CYB5R2: variants seen among roughly 807,000 people sequenced by gnomAD.
The protein encoded by CYB5R2 is NADH-cytochrome b5 reductase 2.
CYB5R2 carries 35 observed loss-of-function variants against 29.8 expected under a neutral mutation model. The observed-to-expected ratio is 1.17, with a 90% CI of 0.90 to 1.56. The LOEUF is 1.56. CYB5R2 is among the 40% of genes most tolerant of loss of function. The pLI, the probability that CYB5R2 is intolerant of heterozygous loss-of-function variation, is 0.00. For missense variants in CYB5R2, 419 were observed against 346.7 expected (o/e 1.21, Z -1.66); for synonymous variants, 169 against 130.6 (o/e 1.29, Z -2.01).
chr11:7,668,690 G>C (rs144470197), intron 5 of CYB5R2, 129 bp from the exon 6 acceptor site: 3 of 794,890 alleles, frequency 3.8e-6, no homozygotes, highest in Non-Finnish European at 6.6e-6. Context: ...ATTTTAAGCT[G>C]GAGAAGCAGG....
rs774900506 is a variant in CYB5R2, at chr11:7,666,570, G to T, written c.559-20C>A. ...CTCTGTCTAGAAAAGAAGCAACACT[G>T]AAAAAGCCCCTCCAGGGCCATCCTC... On this transcript the variant is annotated intron_variant, in intron 7 of 8. Transcript: ENST00000299498. 9 of 1,582,500 alleles carry T rather than the reference G, an allele frequency of 5.7e-6. No homozygotes were observed. The Admixed American group carries it at 1.3e-4, about 23-fold the overall frequency.
chr11:7,670,480 T>G (rs1223861507), intron 3 of CYB5R2: 1 of 152,354 alleles, frequency 6.6e-6, no homozygotes, highest in Admixed American at 6.5e-5. Flanking sequence ...CTACTCCATC[T>G]GTATCCTGGT....
chr11:7,665,607 G>T (rs920186628), intron 8 of CYB5R2, 61 bp from the exon 9 acceptor site: 1 of 1,514,178 alleles, frequency 6.6e-7, no homozygotes, highest in Non-Finnish European at 8.9e-7. Flanking sequence ...CTGATCCCAG[G>T]CCGCCTGCAC....
rs766598641 is a variant in CYB5R2, at chr11:7,672,509, GT to G, written c.92del (p.Asn31ThrfsTer16). 2 of 1,614,220 alleles carry G rather than the reference GT, an allele frequency of 1.2e-6. No individual in the cohort carries two copies. The highest frequency in any genetic ancestry group is 1.7e-6 in the Non-Finnish European group (2 of 1,180,032). ...PLIEKEKISH[N>X]TRRFRFGLPS... ...GCAGTCCAAAGCGGAACCTCCGGGT[GT>G]TGTGGCTGATTTTCTGATAAAACAA... On this transcript the variant is annotated frameshift_variant, in exon 3 of 9. Coordinates refer to ENST00000299498, the MANE Select transcript of CYB5R2 (RefSeq NM_016229.5). LOFTEE classifies it high-confidence loss of function.
At position 7,665,122 on chromosome 11, in the gene CYB5R2, A is replaced by T. The variant is rs902694621; in HGVS notation, c.*252T>A. On this transcript the variant is annotated 3_prime_UTR_variant, in exon 9 of 9. Transcript: ENST00000299498. The stretch of plus-strand genomic sequence containing the variant: ...GGCTGTCTGCTTTGTACTTGAGTTT[A>T]TTTCACAAAACCACGGAGAAAGATA... 8.4e-6 allele frequency: 3 copies of T among 356,664 alleles called. No individual in the cohort carries two copies. The South Asian group carries it at 1.5e-4, about 18-fold the overall frequency. The allele number at this position is 356,664 out of a possible 1,614,324, so 22.1% of individuals were successfully genotyped here.
chr11:7,669,416 G>A (rs1855581234), intron 4 of CYB5R2, 82 bp from the exon 5 acceptor site: 1 of 1,495,414 alleles, frequency 6.7e-7, no homozygotes. Flanking sequence ...ATTTACTGCT[G>A]GAAGCTTTGC....
chr11:7,671,626 T>C (rs1165967035), intron 3 of CYB5R2: 2 of 151,392 alleles, frequency 1.3e-5, no homozygotes, highest in African/African-American at 4.9e-5. Flanking sequence ...GCGAGCTGGC[T>C]AGAGTGTAAT....
In CYB5R2 at chr11:7,672,876, G is replaced by A; in HGVS notation, c.-51C>T. 1 of 1,613,584 alleles carries A rather than the reference G, an allele frequency of 6.2e-7. No individual in the cohort carries two copies. The highest frequency in any genetic ancestry group is 8.5e-7 in the Non-Finnish European group (1 of 1,179,758). On this transcript the variant is annotated 5_prime_UTR_variant, in exon 2 of 9. Coordinates refer to ENST00000299498, the MANE Select transcript of CYB5R2 (RefSeq NM_016229.5). ...GTGACCCCAGTGACGGTGATGGTCA[G>A]GAGCAGGGACGGGTCCTGGCAGACA...
intron 4 of CYB5R2, 120 bp from the exon 5 acceptor site, chr11:7,669,454 T>C (rs4631871): frequency 1 from 1,330,579 of 1,331,446 alleles, 664,860 homozygotes; most frequent in South Asian, 1. Context: ...CTCTGAATTG[T>C]TGTACGCAAT....
rs1855815005 is a variant in CYB5R2 at position 7,672,540 on chromosome 11, TAGGC to T, written c.79-21_79-18del. On this transcript the variant is annotated intron_variant, in intron 2 of 8. Coordinates refer to ENST00000299498, the MANE Select transcript of CYB5R2 (RefSeq NM_016229.5). ...GCTGATTTTCTGATAAAACAAAACA[TAGGC>T]AGGTTCTGTCAGCTTTCTAGAAGCC... 4 of 1,613,362 alleles carry T rather than the reference TAGGC, an allele frequency of 2.5e-6. No homozygotes were observed. The highest frequency in any genetic ancestry group is 3.3e-4 in the Middle Eastern group (2 of 6,084).
chr11:7,666,273 C>A, intron 8 of CYB5R2, 178 bp downstream of exon 8: 1 of 602,168 alleles, frequency 1.7e-6, no homozygotes, highest in South Asian at 2.1e-5. Context: ...AAAAGCAGGC[C>A]ATCCCAAATC....
chr11:7,672,802 T>C lies in CYB5R2; in HGVS notation c.24A>G (p.Pro8=). 8 of 1,614,154 alleles carry C rather than the reference T, an allele frequency of 5.0e-6. No homozygotes were observed. The highest frequency in any genetic ancestry group is 6.8e-6 in the Non-Finnish European group (8 of 1,180,014). MNSRRRE[P]ITLQDPEAKY... is the part of the protein sequence containing the mutation. Reference sequence around the variant, plus strand: ...TGGCTTCAGGGTCCTGTAAGGTGATTGGCTCTCTCCTCCTGGAGTTCATGC... The same window carrying C: ...TGGCTTCAGGGTCCTGTAAGGTGATCGGCTCTCTCCTCCTGGAGTTCATGC... Residue 8 remains proline (P), a synonymous_variant, in exon 2 of 9, where the codon CCA becomes CCG. Coordinates refer to ENST00000299498, the MANE Select transcript of CYB5R2 (RefSeq NM_016229.5).
At chr11:7,671,645 C>CTGAT (rs1447202381) in intron 3 of CYB5R2, 1 of 152,264 alleles carries the variant, frequency 6.6e-6, no homozygotes, top group Non-Finnish European at 1.5e-5. Context: ...ATCTCACCAC[C>CTGAT]TGATAGAGCT....
At position 7,665,348 on chromosome 11, in the gene CYB5R2, G is replaced by A. The variant is rs201825053; in HGVS notation, c.*26C>T. On this transcript the variant is annotated 3_prime_UTR_variant, in exon 9 of 9. Coordinates refer to ENST00000299498, the MANE Select transcript of CYB5R2 (RefSeq NM_016229.5). ...CTCTGAAACAGATGAAAAGGGACAT[G>A]CAAAATTGCTGAGCACGTGGAGGTG... 1.2e-5 allele frequency: 18 copies of A among 1,478,000 alleles called. No individual in the cohort carries two copies. The highest frequency in any genetic ancestry group is 2.4e-5 in the East Asian group (1 of 42,218). The allele number at this position is 1,478,000 out of a possible 1,614,324, so 91.6% of individuals were successfully genotyped here. A position where few individuals can be genotyped will look rare whatever the true frequency, so the allele number is the denominator to read the frequency against.
chr11:7,668,671 GTC>G (rs1855519728), intron 5 of CYB5R2, 110 bp from the exon 6 acceptor site: 1 of 891,056 alleles, frequency 1.1e-6, no homozygotes, highest in Non-Finnish European at 1.9e-6. Flanking sequence ...CTAAGGGACT[GTC>G]TGCACCATTT....
intron 6 of CYB5R2, among the ~76,000 whole-genome samples, 168 bp from the exon 7 acceptor site, chr11:7,667,981 T>G (rs1855433100): frequency 6.6e-6 from 1 of 152,232 alleles, no homozygotes; most frequent in African/African-American, 2.4e-5. Flanking sequence ...TCCTTTCTAA[T>G]GCAACAGTAA....
rs1445564287 is a variant in CYB5R2 at position 7,665,284 on chromosome 11, T to C, written c.*90A>G. 2.5e-6 allele frequency: 3 copies of C among 1,190,498 alleles called. No individual in the cohort carries two copies. In the Admixed American group the frequency reaches 8.9e-5, roughly 35 times the overall value. The allele number at this position is 1,190,498 out of a possible 1,614,324, so 73.7% of individuals were successfully genotyped here. A position where few individuals can be genotyped will look rare whatever the true frequency, so the allele number is the denominator to read the frequency against. On this transcript the variant is annotated 3_prime_UTR_variant, in exon 9 of 9. Transcript: ENST00000299498. Reference sequence around the variant, plus strand: ...CGCGAAGGTACATGGCAAGGCACTTTTGAAAACATCCCAGTTTACCGTGGT... The same window carrying C: ...CGCGAAGGTACATGGCAAGGCACTTCTGAAAACATCCCAGTTTACCGTGGT...
At chr11:7,671,514 T>C (rs1855738359) in intron 3 of CYB5R2, 1 of 152,294 alleles carries the variant, frequency 6.6e-6, no homozygotes. Flanking sequence ...CAACAGGACC[T>C]GCCTGACAGG....
At chr11:7,672,415 G>C (rs927351967) in intron 3 of CYB5R2, 36 bp downstream of exon 3, 1 of 1,587,918 alleles carries the variant, frequency 6.3e-7, no homozygotes, top group African/African-American at 1.3e-5. Context: ...AGCCCCCAGA[G>C]GCCCCAGTCC....
Sources: gnomAD v4.1 joint callset for allele counts (sites outside exome capture counted in the v4.1 genomes callset) on GRCh38, gnomAD v4.1.1 for gene constraint, MANE v1.5 for transcripts, NCBI Gene and HGNC (gene_info 2026-07-23, HGNC 2026-07-21) for gene names.